The following FRMD6 variants were observed in gnomAD, a reference collection of about 807,000 sequenced individuals.
FRMD6 encodes the protein FERM domain containing 6.
A neutral mutation model predicts 73.2 loss-of-function variants in FRMD6; 37 were observed. The observed-to-expected ratio is 0.51, with a 90% CI of 0.39 to 0.66. FRMD6 has a LOEUF of 0.66. Among genes scored for constraint, FRMD6 ranks in the 30% least tolerant of loss-of-function variants. FRMD6 has a pLI of 0.00. For synonymous variants in FRMD6, 273 were observed against 282.2 expected (o/e 0.97, Z 0.33); for missense variants, 714 against 780.5 (o/e 0.91, Z 1.02).
chr14:51,602,561 G>A (rs1890082199), intron 2 of FRMD6, among the ~76,000 whole-genome samples: 1 of 152,132 alleles, frequency 6.6e-6, no homozygotes, highest in Non-Finnish European at 1.5e-5. Context: ...GTTGAAACAT[G>A]GCCATGCTGA....
chr14:51,468,376 A>G, the FRMD6 span, among the ~76,000 whole-genome samples: 2 of 152,078 alleles, frequency 1.3e-5, no homozygotes, highest in Admixed American at 6.5e-5. Flanking sequence ...ATTTGGTGCT[A>G]CTAAAACTTT....
rs1317618521 is a variant in FRMD6 at position 51,656,437 on chromosome 14, G to A, written c.-147+4441G>A. ...CTTTTCTTTTTTTTTTTTCTGAGGC[G>A]GAGTCTCGCCCTGTCGCCCAGGCTG... is the stretch of plus-strand genomic sequence containing the variant. On this transcript the variant is annotated intron_variant, in intron 1 of 13. Coordinates refer to ENST00000344768, the MANE Select transcript of FRMD6 (RefSeq NM_001267046.2). Among the ~76,000 whole-genome samples the A allele has an allele frequency of 3.3e-5, 5 of 149,268 alleles. No individual in the cohort carries two copies. In the East Asian group the frequency reaches 5.8e-4, roughly 17 times the overall value.
At chr14:51,541,518 T>C (rs969215671) in intron 1 of FRMD6, among the ~76,000 whole-genome samples, 13 of 150,620 alleles carry the variant, frequency 8.6e-5, no homozygotes, top group African/African-American at 2.9e-4. Flanking sequence ...AATGGCGGGG[T>C]AGGGTAAGGA....
chr14:51,707,223 A>G (rs1489285075), intron 6 of FRMD6, among the ~76,000 whole-genome samples: 1 of 152,170 alleles, frequency 6.6e-6, no homozygotes, highest in Non-Finnish European at 1.5e-5. Context: ...ACAACTGACT[A>G]TTAATTCATC....
chr14:51,648,157 ATTT>A (rs971820103), upstream of FRMD6, among the ~76,000 whole-genome samples: 1 of 152,004 alleles, frequency 6.6e-6, no homozygotes. Flanking sequence ...GATAAAAATA[ATTT>A]TTTTTCTTCT....
intron 2 of FRMD6, among the ~76,000 whole-genome samples, chr14:51,607,158 T>G (rs922148716): frequency 1.3e-5 from 2 of 152,126 alleles, no homozygotes; most frequent in Admixed American, 6.5e-5. Context: ...TTACCAGGTT[T>G]CTACATATTC....
intron 1 of FRMD6, among the ~76,000 whole-genome samples, chr14:51,668,330 C>G (rs1893749300): frequency 6.6e-6 from 1 of 152,144 alleles, no homozygotes; most frequent in South Asian, 2.1e-4. Flanking sequence ...TTTATTGAGA[C>G]AGAATCTACT....
chr14:51,524,999 A>T (rs1264948414), intron 1 of FRMD6, among the ~76,000 whole-genome samples: 1 of 82,720 alleles, frequency 1.2e-5, no homozygotes, highest in Non-Finnish European at 2.2e-5. Context: ...CACACAATCC[A>T]GGATTGTGTG....
intron 2 of FRMD6, among the ~76,000 whole-genome samples, chr14:51,610,653 C>A (rs1166703031): frequency 6.6e-6 from 1 of 152,112 alleles, no homozygotes; most frequent in African/African-American, 2.4e-5. Flanking sequence ...TCATAAAATT[C>A]TCTACATAAG....
At chr14:51,557,334 C>G (rs1254174946) in intron 1 of FRMD6, among the ~76,000 whole-genome samples, 1 of 152,036 alleles carries the variant, frequency 6.6e-6, no homozygotes, top group Non-Finnish European at 1.5e-5. Context: ...GAAATCCTGT[C>G]ACTTTCAATG....
chr14:51,646,922 T>G (rs1391021894), upstream of FRMD6, among the ~76,000 whole-genome samples: 2 of 152,014 alleles, frequency 1.3e-5, no homozygotes, highest in Non-Finnish European at 2.9e-5. Flanking sequence ...CTCTACATTG[T>G]GCAACACCTT....
intron 10 of FRMD6, 70 bp downstream of exon 10, chr14:51,715,569 G>C: frequency 7.7e-7 from 1 of 1,304,140 alleles, no homozygotes; most frequent in Non-Finnish European, 1.0e-6. Context: ...TCTGAATGGG[G>C]GTTTTGAGCT....
At chr14:51,711,673 G>A in intron 8 of FRMD6, 77 bp downstream of exon 8, 1 of 1,026,854 alleles carries the variant, frequency 9.7e-7, no homozygotes. Flanking sequence ...TCCTGCCACA[G>A]GTTCAGTAGT....
chr14:51,536,702 C>A (rs1421020860), intron 1 of FRMD6, among the ~76,000 whole-genome samples: 1 of 152,230 alleles, frequency 6.6e-6, no homozygotes, highest in Non-Finnish European at 1.5e-5. Flanking sequence ...CAGGCGTGAG[C>A]CACCGCACCT....
intron 1 of FRMD6, among the ~76,000 whole-genome samples, chr14:51,558,139 A>G (rs1487383100): frequency 1.3e-5 from 2 of 152,196 alleles, no homozygotes; most frequent in African/African-American, 4.8e-5. Context: ...AACCATTAAT[A>G]TATACAATTT....
chr14:51,465,797 T>A, the FRMD6 span, among the ~76,000 whole-genome samples: 3 of 152,224 alleles, frequency 2.0e-5, no homozygotes, highest in Non-Finnish European at 4.4e-5. Context: ...TTTTCTTTTT[T>A]TTTTTATTGG....
At chr14:51,553,901 A>G (rs1169247485) in intron 1 of FRMD6, among the ~76,000 whole-genome samples, 1 of 152,178 alleles carries the variant, frequency 6.6e-6, no homozygotes, top group Non-Finnish European at 1.5e-5. Context: ...GTACTTGAAC[A>G]TCAAAATAGC....
chr14:51,586,571 T>C (rs1255407975), intron 2 of FRMD6, among the ~76,000 whole-genome samples: 4 of 152,166 alleles, frequency 2.6e-5, no homozygotes, highest in Non-Finnish European at 5.9e-5. Context: ...AGAAGCCTTT[T>C]AATTTAATTA....
At chr14:51,643,596 G>A (rs1891912286) in intron 2 of FRMD6, 1 of 152,220 alleles carries the variant, frequency 6.6e-6, no homozygotes, top group Non-Finnish European at 1.5e-5. Flanking sequence ...AAGGAAAGAA[G>A]TCAAGCCAAA....
Sources: gnomAD v4.1 joint callset for allele counts (sites outside exome capture counted in the v4.1 genomes callset) on GRCh38, gnomAD v4.1.1 for gene constraint, MANE v1.5 for transcripts, NCBI Gene and HGNC (gene_info 2026-07-23, HGNC 2026-07-21) for gene names.